The following ATP11C variants were observed in gnomAD, a reference collection of about 807,000 sequenced individuals.
ATP11C encodes the protein phospholipid-transporting ATPase IG.
ATP11C carries 36 observed loss-of-function variants against 97.4 expected under a neutral mutation model. The ratio of observed to expected loss-of-function variants is 0.37; its 90% CI spans 0.28 to 0.49. The LOEUF (loss-of-function observed/expected upper bound fraction) is 0.49. Among genes scored for constraint, ATP11C ranks in the 20% least tolerant of loss-of-function variants. ATP11C has a pLI of 0.98. For missense variants in ATP11C, 730 were observed against 824.6 expected, an observed-to-expected ratio of 0.89 and a Z score of 1.40; for synonymous variants, 275 against 290.9, an observed-to-expected ratio of 0.95 and a Z score of 0.56.
In ATP11C at chrX:139,906,585, C is replaced by G. The variant is rs2084981053; in HGVS notation, c.27+25431G>C. On this transcript the variant is annotated intron_variant, in intron 1 of 29. Coordinates refer to ENST00000682941, the MANE Select transcript of ATP11C (RefSeq NM_001353812.2). ...GATCACGAGGTCAGGAGTTCAAGAC[C>G]AGCCTGGCCAAGATGGTAAAACCCC... Among the ~76,000 whole-genome samples the G allele has an allele frequency of 1.8e-5, 2 of 109,528 alleles. 1 individual carries two copies. Among genetic ancestry groups the G allele is most frequent in the Admixed American group, 2.0e-4 (2 of 10,196 alleles).
intron 6 of ATP11C, among the ~76,000 whole-genome samples, chrX:139,803,541 T>TA (rs1275801808): frequency 5.9e-4 from 65 of 110,296 alleles, no homozygotes; most frequent in African/African-American, 1.7e-3. Flanking sequence ...CCAGAAAGTG[T>TA]ATGAGGGAAA....
At chrX:139,934,552 C>CT (rs760781660), upstream of ATP11C, among the ~76,000 whole-genome samples, 2,050 of 93,638 alleles carry the variant, frequency 0.022, 61 homozygotes, top group African/African-American at 0.043. Flanking sequence ...CTAGCTTTAC[C>CT]TTTTTTTTTT....
At chrX:139,856,151 C>T (rs2084086599) in intron 1 of ATP11C, among the ~76,000 whole-genome samples, 1 of 112,510 alleles carries the variant, frequency 8.9e-6, no homozygotes. Context: ...CCCAGATTGT[C>T]CCCTTTCCAC....
At chrX:139,886,138 A>C (rs981789492) in intron 1 of ATP11C, among the ~76,000 whole-genome samples, 2 of 111,841 alleles carry the variant, frequency 1.8e-5, no homozygotes, top group Non-Finnish European at 3.8e-5. Context: ...AAAATATAAA[A>C]GAATCTATAA....
chrX:139,821,999 A>G (rs1287998185), intron 2 of ATP11C, among the ~76,000 whole-genome samples: 1 of 112,258 alleles, frequency 8.9e-6, no homozygotes, highest in Non-Finnish European at 1.9e-5. Context: ...TATTCAAATT[A>G]ACTTGTTTAT....
chrX:139,732,300 A>C (rs1245636922), intron 28 of ATP11C: 1 of 207,759 alleles, frequency 4.8e-6, no homozygotes, highest in Non-Finnish European at 9.2e-6. Context: ...TGATTAAAAG[A>C]AAATGACAAA....
At chrX:139,768,902 A>G (rs2082190946) in intron 19 of ATP11C, among the ~76,000 whole-genome samples, 1 of 108,604 alleles carries the variant, frequency 9.2e-6, no homozygotes, top group African/African-American at 3.4e-5. Context: ...CTAAGGCAGT[A>G]GCCTTAGCTA....
intron 1 of ATP11C, among the ~76,000 whole-genome samples, chrX:139,910,894 A>C (rs1400003139): frequency 2.7e-5 from 3 of 111,851 alleles, no homozygotes; most frequent in Non-Finnish European, 5.6e-5. Flanking sequence ...CATATCCGAA[A>C]TCTACTTCAG....
intron 1 of ATP11C, among the ~76,000 whole-genome samples, chrX:139,861,714 G>A (rs1388050405): frequency 9.2e-6 from 1 of 109,253 alleles, no homozygotes; most frequent in Non-Finnish European, 1.9e-5. Context: ...GTATTACACT[G>A]TCTTAAGCAA....
rs988154949 is a variant in ATP11C, at chrX:139,727,377, A to G, written c.*1589T>C. On this transcript the variant is annotated 3_prime_UTR_variant, in exon 30 of 30. Transcript: ENST00000682941. The stretch of plus-strand genomic sequence containing the variant: ...CTACCAGAACACAGCACACTTAGGT[A>G]AGTTGTGAATGACATGTAACAAAAT... 4 of 112,113 alleles carry G rather than the reference A, an allele frequency of 3.6e-5. No individual in the cohort carries two copies. Among genetic ancestry groups the G allele is most frequent in the African/African-American group, 1.3e-4 (4 of 30,834 alleles). The allele number at this position is 112,113 out of a possible 1,213,427, so 9.2% of individuals were successfully genotyped here. A position where few individuals can be genotyped will look rare whatever the true frequency, so the allele number is the denominator to read the frequency against.
rs747576641 is a variant in ATP11C, at chrX:139,864,055, A to G, written c.28-37232T>C. ...CTCCATCCAGTCTGGGCGACAGAGC[A>G]AGACCCTGCCTCAAAAAATAAAAAA... On this transcript the variant is annotated intron_variant, in intron 1 of 29. Transcript: ENST00000682941. Among the ~76,000 whole-genome samples the G allele has an allele frequency of 1.3e-3, 149 of 111,476 alleles. 1 individual carries two copies. The highest frequency in any genetic ancestry group is 4.6e-3 in the African/African-American group (142 of 30,687).
intron 1 of ATP11C, among the ~76,000 whole-genome samples, chrX:139,841,674 GAAC>G (rs749265618): frequency 8.5e-4 from 96 of 112,300 alleles, no homozygotes; most frequent in Non-Finnish European, 1.2e-3. Context: ...TTGTGTAGAA[GAAC>G]AACTAGAACA....
intron 1 of ATP11C, among the ~76,000 whole-genome samples, chrX:139,855,335 A>G (rs918343201): frequency 8.9e-6 from 1 of 111,927 alleles, no homozygotes; most frequent in African/African-American, 3.3e-5. Context: ...CCTCAAAACT[A>G]AAAGTCTTTT....
At chrX:139,774,030 A>C in intron 19 of ATP11C, among the ~76,000 whole-genome samples, 1 of 112,760 alleles carries the variant, frequency 8.9e-6, no homozygotes, top group South Asian at 3.6e-4. Flanking sequence ...GCATTTCAAA[A>C]AAGGAAATCA....
At chrX:139,831,149 T>C in intron 1 of ATP11C, among the ~76,000 whole-genome samples, 1 of 111,839 alleles carries the variant, frequency 8.9e-6, no homozygotes, top group South Asian at 3.8e-4. Flanking sequence ...TCTGAAGTGA[T>C]TAAGCTGTCT....
intron 16 of ATP11C, among the ~76,000 whole-genome samples, chrX:139,785,020 A>C (rs1347700833): frequency 1.8e-5 from 2 of 112,015 alleles, no homozygotes; most frequent in Admixed American, 9.5e-5. Flanking sequence ...ACCCTGTCAT[A>C]ACAAGGGTTC....
chrX:139,811,776 C>G (rs1211096008), intron 5 of ATP11C, among the ~76,000 whole-genome samples: 1 of 110,981 alleles, frequency 9.0e-6, no homozygotes, highest in Non-Finnish European at 1.9e-5. Flanking sequence ...AGTTCCTTAA[C>G]CTCCTTATGC....
chrX:139,859,231 T>C (rs1488304752), intron 1 of ATP11C, among the ~76,000 whole-genome samples: 1 of 111,768 alleles, frequency 8.9e-6, no homozygotes, highest in Non-Finnish European at 1.9e-5. Flanking sequence ...GCTCTTGGAT[T>C]CAAAATTACT....
intron 1 of ATP11C, among the ~76,000 whole-genome samples, chrX:139,869,558 G>C (rs2084336343): frequency 9.4e-6 from 1 of 106,307 alleles, no homozygotes; most frequent in Admixed American, 1.0e-4. Flanking sequence ...GCCAAGGTGG[G>C]TGGATCGGTT....
Sources: gnomAD v4.1 joint callset for allele counts (sites outside exome capture counted in the v4.1 genomes callset) on GRCh38, gnomAD v4.1.1 for gene constraint, MANE v1.5 for transcripts, NCBI Gene and HGNC (gene_info 2026-07-23, HGNC 2026-07-21) for gene names.